Variants in MACROD2 observed in about 807,000 individuals in gnomAD.
MACROD2 encodes ADP-ribose glycohydrolase MACROD2.
In MACROD2, 36 loss-of-function variants were observed where a neutral mutation model predicts 70.4. The observed-to-expected ratio is 0.51, with a 90% CI of 0.39 to 0.68. The LOEUF is 0.68. Among genes scored for constraint, MACROD2 ranks in the 30% least tolerant of loss-of-function variants. The pLI is 0.00. For synonymous variants in MACROD2, 172 were observed against 178.8 expected (o/e 0.96, Z 0.30); for missense variants, 496 against 538.4 (o/e 0.92, Z 0.78).
chr20:14,849,674 G>A (rs1025006554), intron 5 of MACROD2, among the ~76,000 whole-genome samples: 6 of 152,116 alleles, frequency 3.9e-5, no homozygotes, highest in African/African-American at 9.7e-5. Context: ...CCAGCCACTC[G>A]GGAGGCTAAG....
intron 8 of MACROD2, among the ~76,000 whole-genome samples, chr20:15,809,153 C>G (rs1038794624): frequency 6.6e-6 from 1 of 152,078 alleles, no homozygotes; most frequent in African/African-American, 2.4e-5. Context: ...CCACTTCTAC[C>G]TTTTAAAATC....
intron 5 of MACROD2, among the ~76,000 whole-genome samples, chr20:14,841,377 GGT>G (rs2073085327): frequency 6.6e-6 from 1 of 152,150 alleles, no homozygotes; most frequent in Non-Finnish European, 1.5e-5. Context: ...TTTCCACTGA[GGT>G]GAGGGGCAAG....
At chr20:14,627,270 C>T (rs1568708016) in intron 4 of MACROD2, among the ~76,000 whole-genome samples, 1 of 152,178 alleles carries the variant, frequency 6.6e-6, no homozygotes, top group South Asian at 2.1e-4. Flanking sequence ...AAAACTAATT[C>T]TCTCAATGGG....
intron 8 of MACROD2, among the ~76,000 whole-genome samples, chr20:15,636,146 C>T (rs1434855686): frequency 6.7e-6 from 1 of 148,916 alleles, no homozygotes; most frequent in East Asian, 2.0e-4. Flanking sequence ...AAAAGAAATC[C>T]CCTAGGGCTA....
At chr20:14,511,467 A>G (rs2085029408) in intron 4 of MACROD2, among the ~76,000 whole-genome samples, 1 of 152,100 alleles carries the variant, frequency 6.6e-6, no homozygotes, top group Non-Finnish European at 1.5e-5. Context: ...TCTTTAGGAA[A>G]AAAGACCACT....
At chr20:14,103,226 A>G (rs899085770) in intron 3 of MACROD2, among the ~76,000 whole-genome samples, 1 of 151,990 alleles carries the variant, frequency 6.6e-6, no homozygotes, top group Non-Finnish European at 1.5e-5. Flanking sequence ...TTCTGAGTTT[A>G]TTTTTTTGTT....
chr20:15,853,468 A>G lies in MACROD2; in HGVS notation c.646-9277A>G, dbSNP rs191369137. 2.1e-3 allele frequency among the ~76,000 whole-genome samples: 318 copies of G among 152,316 alleles called. 1 individual carries two copies. The highest frequency in any genetic ancestry group is 7.4e-3 in the African/African-American group (309 of 41,566). ...ATAGGGAGATTATCTAGGTGGGCCT[A>G]ACTTCATCACATGAGTTCTTTAAAT... On this transcript the variant is annotated intron_variant, in intron 8 of 17. Transcript: ENST00000684519.
intron 6 of MACROD2, among the ~76,000 whole-genome samples, chr20:15,355,732 C>T (rs1165378893): frequency 6.6e-6 from 1 of 152,122 alleles, no homozygotes; most frequent in Non-Finnish European, 1.5e-5. Context: ...ATAACAAAGA[C>T]AATACTATCA....
chr20:15,641,111 T>C (rs969567580), intron 8 of MACROD2, among the ~76,000 whole-genome samples: 3 of 152,218 alleles, frequency 2.0e-5, no homozygotes, highest in Non-Finnish European at 4.4e-5. Flanking sequence ...GAGTTGCTGA[T>C]TGTGGATGCT....
intron 5 of MACROD2, among the ~76,000 whole-genome samples, chr20:15,104,372 A>T (rs1019923077): frequency 6.6e-6 from 1 of 152,120 alleles, no homozygotes; most frequent in African/African-American, 2.4e-5. Context: ...AGAATCCAAC[A>T]TATCAGGTCC....
intron 15 of MACROD2, among the ~76,000 whole-genome samples, chr20:16,012,177 A>T (rs1265195627): frequency 1.3e-5 from 2 of 152,114 alleles, no homozygotes; most frequent in Non-Finnish European, 2.9e-5. Context: ...CCCAAATGAG[A>T]AGTGGGCACA....
intron 15 of MACROD2, among the ~76,000 whole-genome samples, chr20:16,024,776 G>C (rs1255946319): frequency 6.6e-6 from 1 of 152,174 alleles, no homozygotes; most frequent in South Asian, 2.1e-4. Context: ...AAGGGGGAGG[G>C]GGTGTTCCTG....
chr20:15,367,114 G>A lies in MACROD2; in HGVS notation c.541-64291G>A, dbSNP rs1004994072. Among the ~76,000 whole-genome samples, 10 of 148,594 alleles carry A rather than the reference G, an allele frequency of 6.7e-5. No homozygotes were observed. In the South Asian group the frequency reaches 8.5e-4, roughly 13 times the overall value. On this transcript the variant is annotated intron_variant, in intron 6 of 17. Coordinates refer to ENST00000684519, the MANE Select transcript of MACROD2 (RefSeq NM_001351661.2). ...ATGATCTCGGCTCACTGTAACCTCC[G>A]CCTCTTTGGTTCAAGTGATTCTCCT...
At chr20:15,935,133 C>G (rs1188647046) in intron 11 of MACROD2, among the ~76,000 whole-genome samples, 2 of 152,154 alleles carry the variant, frequency 1.3e-5, no homozygotes, top group African/African-American at 4.8e-5. Context: ...CATCTTTTCC[C>G]TTTAACCAGT....
intron 5 of MACROD2, among the ~76,000 whole-genome samples, chr20:14,848,501 T>C (rs186974994): frequency 2.6e-5 from 4 of 152,032 alleles, no homozygotes; most frequent in Non-Finnish European, 4.4e-5. Context: ...TATCTGGAGA[T>C]AGTAATTTTT....
chr20:15,369,570 T>A (rs1187868336), intron 6 of MACROD2, among the ~76,000 whole-genome samples: 1 of 152,180 alleles, frequency 6.6e-6, no homozygotes, highest in Non-Finnish European at 1.5e-5. Flanking sequence ...ACAAAGAAAT[T>A]CCTTAGTTCA....
intron 15 of MACROD2, among the ~76,000 whole-genome samples, chr20:15,990,456 T>C (rs1323559436): frequency 2.0e-5 from 3 of 152,182 alleles, no homozygotes; most frequent in South Asian, 2.1e-4. Flanking sequence ...ATGATATATA[T>C]TGGATATTTT....
chr20:14,619,999 T>G (rs1481899067), intron 4 of MACROD2, among the ~76,000 whole-genome samples: 1 of 152,144 alleles, frequency 6.6e-6, no homozygotes, highest in African/African-American at 2.4e-5. Flanking sequence ...AAAGACTATG[T>G]GGCCCTGACA....
chr20:15,618,774 C>T (rs1462054525), intron 8 of MACROD2, among the ~76,000 whole-genome samples: 4 of 152,154 alleles, frequency 2.6e-5, no homozygotes, highest in Non-Finnish European at 5.9e-5. Context: ...TCACCTTACC[C>T]GGTGCCTAGA....
Sources: allele counts gnomAD v4.1 joint callset (sites outside exome capture counted in the v4.1 genomes callset), GRCh38; gene constraint gnomAD v4.1.1; transcripts MANE v1.5; gene names NCBI Gene and HGNC (gene_info 2026-07-23, HGNC 2026-07-21).